KCNMB4: variants seen among roughly 807,000 people sequenced by gnomAD.
KCNMB4 encodes potassium calcium-activated channel subfamily M regulatory beta subunit 4.
A neutral mutation model predicts 20.7 loss-of-function variants in KCNMB4; 3 were observed. The ratio of observed to expected loss-of-function variants is 0.14; its 90% CI spans 0.07 to 0.37. The LOEUF (loss-of-function observed/expected upper bound fraction) is 0.37. Ranked by LOEUF, KCNMB4 falls within the 10% of genes least tolerant of loss-of-function variation. KCNMB4 has a pLI of 1.00. For missense variants in KCNMB4, 168 were observed against 265.9 expected (o/e 0.63, Z 2.56); for synonymous variants, 110 against 113.4 (o/e 0.97, Z 0.19).
chr12:70,386,322 G>A (rs1453848587), intron 1 of KCNMB4, among the ~76,000 whole-genome samples: 2 of 151,962 alleles, frequency 1.3e-5, no homozygotes, highest in African/African-American at 2.4e-5. Context: ...AATTTTCACA[G>A]ATTGATTTCA....
At chr12:70,423,456 C>G (rs1009343279) in intron 2 of KCNMB4, among the ~76,000 whole-genome samples, 1 of 151,978 alleles carries the variant, frequency 6.6e-6, no homozygotes, top group Non-Finnish European at 1.5e-5. Context: ...TAATACCTCC[C>G]TAGCCTTTTT....
rs140234016 is a variant in KCNMB4, at chr12:70,403,315, A to T, written c.464+2979A>T. Among the ~76,000 whole-genome samples the T allele has an allele frequency of 2.9e-3, 434 of 152,140 alleles. 2 individuals are homozygous for T. The highest frequency in any genetic ancestry group is 0.01 in the African/African-American group (425 of 41,502). ...GGGTTGCTTCACATAACTAGGCCAG[A>T]GGAGCTTTTTATTTTATTTTCTTTT... On this transcript the variant is annotated intron_variant, in intron 2 of 2. Transcript: ENST00000258111.
chr12:70,400,940 A>G (rs1868433329), intron 2 of KCNMB4, among the ~76,000 whole-genome samples: 2 of 152,332 alleles, frequency 1.3e-5, no homozygotes, highest in Admixed American at 6.5e-5. Flanking sequence ...TGGCATGACC[A>G]TTCACTCATT....
chr12:70,394,246 G>A (rs1309767827), intron 1 of KCNMB4, among the ~76,000 whole-genome samples: 1 of 108,176 alleles, frequency 9.2e-6, no homozygotes, highest in African/African-American at 4.9e-5. Context: ...TAATAATGCA[G>A]ATTCCTAGTC....
At chr12:70,415,295 A>G (rs1868886838) in intron 2 of KCNMB4, among the ~76,000 whole-genome samples, 1 of 152,212 alleles carries the variant, frequency 6.6e-6, no homozygotes, top group African/African-American at 2.4e-5. Context: ...AACTTGGACA[A>G]TATGGTCTAC....
chr12:70,422,359 C>T (rs1002882421), intron 2 of KCNMB4, among the ~76,000 whole-genome samples: 1 of 152,194 alleles, frequency 6.6e-6, no homozygotes, highest in Admixed American at 6.5e-5. Flanking sequence ...ACAAGGCTGT[C>T]AGCTAGTTTT....
chr12:70,403,780 C>T (rs531235356), intron 2 of KCNMB4, among the ~76,000 whole-genome samples: 70 of 152,210 alleles, frequency 4.6e-4, no homozygotes, highest in Non-Finnish European at 8.8e-4. Context: ...ACTTTTCACC[C>T]ATTACTGGAA....
chr12:70,396,594 T>C (rs1565859960), intron 1 of KCNMB4, among the ~76,000 whole-genome samples: 1 of 152,194 alleles, frequency 6.6e-6, no homozygotes, highest in Non-Finnish European at 1.5e-5. Context: ...GCGTGAGCCA[T>C]GGTACCTGGC....
chr12:70,419,159 A>C (rs979885351), intron 2 of KCNMB4, among the ~76,000 whole-genome samples: 8 of 152,178 alleles, frequency 5.3e-5, no homozygotes, highest in Non-Finnish European at 1.0e-4. Context: ...AATTCCTTTA[A>C]GGAATTCTAA....
At chr12:70,399,367 C>G (rs1276609121) in intron 1 of KCNMB4, among the ~76,000 whole-genome samples, 2 of 152,140 alleles carry the variant, frequency 1.3e-5, no homozygotes, top group Non-Finnish European at 2.9e-5. Flanking sequence ...TGACGAAAAT[C>G]TCAATGTCTG....
chr12:70,382,403 C>A (rs1197314607), intron 1 of KCNMB4, among the ~76,000 whole-genome samples: 6 of 144,022 alleles, frequency 4.2e-5, no homozygotes, highest in East Asian at 4.0e-4. Context: ...ACAGCACTCC[C>A]GCCTGGGCGA....
At chr12:70,388,125 G>C (rs376863128) in intron 1 of KCNMB4, among the ~76,000 whole-genome samples, 21 of 152,116 alleles carry the variant, frequency 1.4e-4, no homozygotes, top group African/African-American at 5.1e-4. Context: ...ATGATCTCCA[G>C]TTCCGTCCAT....
chr12:70,412,601 A>G lies in KCNMB4; in HGVS notation c.464+12265A>G, dbSNP rs537015528. On this transcript the variant is annotated intron_variant, in intron 2 of 2. Transcript: ENST00000258111. ...AAAAAAGATTTATTTTAATATATTT[A>G]TATGTTGAATTTAATTGTACCATTG... Among the ~76,000 whole-genome samples, 31 of 152,356 alleles carry G rather than the reference A, an allele frequency of 2.0e-4. No homozygotes were observed. In the South Asian group the frequency reaches 6.2e-3, roughly 31 times the overall value.
intron 1 of KCNMB4, among the ~76,000 whole-genome samples, chr12:70,374,447 T>G (rs540146152): frequency 2.4e-4 from 36 of 152,194 alleles, no homozygotes; most frequent in Non-Finnish European, 4.9e-4. Context: ...ACAGAATAGT[T>G]TTTAACATTG....
intron 2 of KCNMB4, among the ~76,000 whole-genome samples, chr12:70,401,507 A>G (rs190960223): frequency 3.0e-4 from 45 of 152,282 alleles, no homozygotes; most frequent in Non-Finnish European, 4.4e-4. Flanking sequence ...TTTCTAACAC[A>G]TGAGTCTAAT....
chr12:70,411,993 A>G (rs1049511340), intron 2 of KCNMB4, among the ~76,000 whole-genome samples: 3 of 152,188 alleles, frequency 2.0e-5, no homozygotes, highest in African/African-American at 7.2e-5. Flanking sequence ...AGACTGTTGT[A>G]CCAGTCTAGA....
intron 1 of KCNMB4, among the ~76,000 whole-genome samples, chr12:70,391,156 T>TG (rs1301947061): frequency 6.6e-6 from 1 of 152,216 alleles, no homozygotes; most frequent in Non-Finnish European, 1.5e-5. Context: ...CAAGTGTTTT[T>TG]ATACTTTCAG....
At chr12:70,422,821 A>C in intron 2 of KCNMB4, 1 of 1,250,278 alleles carries the variant, frequency 8.0e-7, no homozygotes, top group Non-Finnish European at 1.0e-6. Context: ...GAAAACCGAC[A>C]GATGGATAAA....
At chr12:70,417,073 T>G (rs1256643490) in intron 2 of KCNMB4, among the ~76,000 whole-genome samples, 1 of 152,220 alleles carries the variant, frequency 6.6e-6, no homozygotes, top group Non-Finnish European at 1.5e-5. Flanking sequence ...ACAATACTGA[T>G]GCTGGAGCTA....
Sources: allele counts gnomAD v4.1 joint callset (sites outside exome capture counted in the v4.1 genomes callset), GRCh38; gene constraint gnomAD v4.1.1; transcripts MANE v1.5; gene names NCBI Gene and HGNC (gene_info 2026-07-23, HGNC 2026-07-21).